The following EFCAB14 variants were observed in gnomAD, a reference collection of about 807,000 sequenced individuals.
The protein encoded by EFCAB14 is EF-hand calcium-binding domain-containing protein 14.
EFCAB14 carries 43 observed loss-of-function variants against 56.5 expected under a neutral mutation model. The observed-to-expected ratio is 0.76, with a 90% CI of 0.60 to 0.98. The LOEUF (loss-of-function observed/expected upper bound fraction) is 0.98. Ranked by LOEUF, EFCAB14 falls within the 50% of genes least tolerant of loss-of-function variation. The pLI is 0.00. For synonymous variants in EFCAB14, 235 were observed against 212.9 expected (o/e 1.10, Z -0.90); for missense variants, 538 against 580.3 (o/e 0.93, Z 0.75).
At chr1:46,686,913 A>T in intron 7 of EFCAB14, 43 bp from the exon 8 acceptor site, 1 of 1,586,966 alleles carries the variant, frequency 6.3e-7, no homozygotes, top group Non-Finnish European at 8.6e-7. Context: ...GGGAAGATTA[A>T]AGGCAAACAT....
At position 46,678,582 on chromosome 1, in the gene EFCAB14, T is replaced by A. The variant is rs1346788338; in HGVS notation, c.1367A>T (p.Tyr456Phe). 8 of 1,614,010 alleles carry A rather than the reference T, an allele frequency of 5.0e-6. No individual in the cohort carries two copies. The highest frequency in any genetic ancestry group is 6.8e-6 in the Non-Finnish European group (8 of 1,180,020). The change falls in exon 11 of 11, where the codon TAC becomes TTC. Residue 456 changes from tyrosine to phenylalanine, a missense_variant. Physicochemically the swap from Tyr to Phe is conservative, Grantham distance 22. Transcript: ENST00000371933. ...ACCTAGGGAGGTCCAGATTTCCTGG[T>A]AGGTCAGCTTCCCATCCACGTCCTG... The part of the protein sequence containing the change: ...TGQDVDGKLT[Y>F]QEIWTSLGSA...
intron 4 of EFCAB14, among the ~76,000 whole-genome samples, chr1:46,692,275 C>T (rs1677005025): frequency 6.6e-6 from 1 of 152,238 alleles, no homozygotes; most frequent in South Asian, 2.1e-4. Flanking sequence ...TGGGATTCAT[C>T]CATGTTGAGG....
At chr1:46,697,916 A>G (rs1677100451) in intron 3 of EFCAB14, among the ~76,000 whole-genome samples, 1 of 141,678 alleles carries the variant, frequency 7.1e-6, no homozygotes, top group African/African-American at 2.7e-5. Context: ...CAGTGCAGTG[A>G]TCTTGGCTCA....
At position 46,678,242 on chromosome 1, in the gene EFCAB14, C is replaced by A; in HGVS notation, c.*219G>T. ...GGCAATTTTAAAATGTAAGATCTTACTGGTTGTAGGAAATCATAGATTTCT... is the reference window on the plus strand; with the variant it reads ...GGCAATTTTAAAATGTAAGATCTTAATGGTTGTAGGAAATCATAGATTTCT... On this transcript the variant is annotated 3_prime_UTR_variant, in exon 11 of 11. Transcript: ENST00000371933. 1 of 402,412 alleles carries A rather than the reference C, an allele frequency of 2.5e-6. No individual in the cohort carries two copies. The highest frequency in any genetic ancestry group is 4.3e-6 in the Non-Finnish European group (1 of 230,746). The allele number at this position is 402,412 out of a possible 1,614,324, so 24.9% of individuals were successfully genotyped here. A position where few individuals can be genotyped will look rare whatever the true frequency, so the allele number is the denominator to read the frequency against.
At position 46,716,300 on chromosome 1, in the gene EFCAB14, C is replaced by T. The variant is rs371584113; in HGVS notation, c.329G>A (p.Arg110Gln). The change falls in exon 2 of 11, where the codon CGA (arginine) becomes CAA (glutamine). Residue 110 changes from arginine to glutamine, a missense_variant. Coordinates refer to ENST00000371933, the MANE Select transcript of EFCAB14 (RefSeq NM_014774.3). ...GAGAGTAACCACTTACTTACTTGTTCGAAATTTTTCCTTGAGGGCATCCAG... is the reference window on the plus strand; with the variant it reads ...GAGAGTAACCACTTACTTACTTGTTTGAAATTTTTCCTTGAGGGCATCCAG... ...EDLDALKEKF[R>Q]TMESNQKSSF... The T allele has an allele frequency of 2.1e-5, 33 of 1,580,270 alleles. No individual in the cohort carries two copies. Among genetic ancestry groups the T allele is most frequent in the African/African-American group, 9.7e-5 (7 of 72,184 alleles).
At chr1:46,699,487 G>T (rs967218361) in intron 3 of EFCAB14, among the ~76,000 whole-genome samples, 5 of 152,146 alleles carry the variant, frequency 3.3e-5, no homozygotes, top group African/African-American at 7.2e-5. Context: ...CACAATACCC[G>T]TGATACAAAG....
chr1:46,681,142 A>C (rs1054880010), intron 10 of EFCAB14, among the ~76,000 whole-genome samples: 10 of 152,178 alleles, frequency 6.6e-5, no homozygotes, highest in Non-Finnish European at 1.5e-4. Flanking sequence ...TATTTTTTGT[A>C]GAGTTGGGAT....
At chr1:46,707,694 T>C (rs950499558) in intron 3 of EFCAB14, among the ~76,000 whole-genome samples, 7 of 152,262 alleles carry the variant, frequency 4.6e-5, no homozygotes, top group African/African-American at 1.7e-4. Context: ...TATTTTCTTT[T>C]GCAGAAAGGA....
intron 4 of EFCAB14, among the ~76,000 whole-genome samples, chr1:46,695,373 T>A (rs76974144): frequency 4.1e-5 from 6 of 147,572 alleles, no homozygotes; most frequent in African/African-American, 1.6e-4. Context: ...CCCTTTTTTT[T>A]CCCCCCGAAT....
chr1:46,686,642 A>G (rs1676886520), intron 8 of EFCAB14, 142 bp downstream of exon 8: 2 of 824,936 alleles, frequency 2.4e-6, no homozygotes, highest in Non-Finnish European at 4.0e-6. Context: ...ATTCACTAAC[A>G]TACTAATTTA....
At chr1:46,702,086 T>C (rs1051402506) in intron 3 of EFCAB14, among the ~76,000 whole-genome samples, 5 of 152,198 alleles carry the variant, frequency 3.3e-5, no homozygotes, top group Admixed American at 6.5e-5. Flanking sequence ...GTCTAAAAAG[T>C]TGAATTAAAT....
intron 10 of EFCAB14, among the ~76,000 whole-genome samples, chr1:46,680,323 C>T (rs183885577): frequency 7.4e-4 from 113 of 152,226 alleles, no homozygotes; most frequent in Non-Finnish European, 8.8e-4. Context: ...TGTCCATCAA[C>T]GGATGAACAG....
At chr1:46,705,482 T>C (rs1441130248) in intron 3 of EFCAB14, among the ~76,000 whole-genome samples, 1 of 152,376 alleles carries the variant, frequency 6.6e-6, no homozygotes, top group Admixed American at 6.5e-5. Flanking sequence ...GGCCACTGTC[T>C]GTTTGCATGT....
In EFCAB14 at chr1:46,690,117, T is replaced by C. The variant is rs1423283756; in HGVS notation, c.691-426A>G. 3.3e-5 allele frequency among the ~76,000 whole-genome samples: 5 copies of C among 152,366 alleles called. No individual in the cohort carries two copies. In the South Asian group the frequency reaches 8.3e-4, roughly 25 times the overall value. ...TTGACATTAAAAAGGCAGCCAGTCATGTAACCACTGGCTTGGGCATTTAGC... is the reference window on the plus strand; with the variant it reads ...TTGACATTAAAAAGGCAGCCAGTCACGTAACCACTGGCTTGGGCATTTAGC... On this transcript the variant is annotated intron_variant, in intron 5 of 10. Coordinates refer to ENST00000371933, the MANE Select transcript of EFCAB14 (RefSeq NM_014774.3).
intron 4 of EFCAB14, among the ~76,000 whole-genome samples, chr1:46,692,700 T>G (rs1677017747): frequency 6.6e-6 from 1 of 152,212 alleles, no homozygotes; most frequent in South Asian, 2.1e-4. Context: ...GATTTTAATT[T>G]ACATTGCCCT....
At chr1:46,684,226 T>C (rs1676842171) in intron 9 of EFCAB14, 1 of 411,348 alleles carries the variant, frequency 2.4e-6, no homozygotes. Context: ...AGTAACATTT[T>C]TGCCTATAAT....
At chr1:46,711,174 C>A (rs532694456) in intron 2 of EFCAB14, among the ~76,000 whole-genome samples, 1 of 152,184 alleles carries the variant, frequency 6.6e-6, no homozygotes, top group African/African-American at 2.4e-5. Flanking sequence ...TTTAATGTAG[C>A]ACTTGATTTA....
At chr1:46,715,244 G>A (rs1233859830) in intron 2 of EFCAB14, among the ~76,000 whole-genome samples, 2 of 152,174 alleles carry the variant, frequency 1.3e-5, no homozygotes, top group Non-Finnish European at 1.5e-5. Flanking sequence ...GTAGGCACTT[G>A]AAGAAATGTG....
At chr1:46,690,985 G>C (rs1320426187) in intron 5 of EFCAB14, among the ~76,000 whole-genome samples, 1 of 152,028 alleles carries the variant, frequency 6.6e-6, no homozygotes, top group African/African-American at 2.4e-5. Flanking sequence ...TTTCAGATGA[G>C]TTACATATAA....
Sources: gnomAD v4.1 joint callset for allele counts (sites outside exome capture counted in the v4.1 genomes callset) on GRCh38, gnomAD v4.1.1 for gene constraint, MANE v1.5 for transcripts, NCBI Gene and HGNC (gene_info 2026-07-23, HGNC 2026-07-21) for gene names.